Variants in CNTNAP2 observed in about 807,000 individuals in gnomAD.
CNTNAP2 encodes the protein contactin-associated protein-like 2.
In CNTNAP2, 98 loss-of-function variants were observed where a neutral mutation model predicts 155.2. The observed-to-expected ratio is 0.63, with a 90% confidence interval of 0.54 to 0.75. CNTNAP2 has a LOEUF of 0.75. CNTNAP2 is among the 30% of genes least tolerant of loss of function. CNTNAP2 has a pLI of 0.00. For synonymous variants in CNTNAP2, 651 were observed against 631.2 expected (o/e 1.03, Z -0.47); for missense variants, 1,727 against 1,688.1 (o/e 1.02, Z -0.40).
At chr7:147,943,408 G>T (rs965245489) in intron 14 of CNTNAP2, among the ~76,000 whole-genome samples, 2 of 151,954 alleles carry the variant, frequency 1.3e-5, no homozygotes, top group East Asian at 3.9e-4. Flanking sequence ...TGTATTATGT[G>T]GTGTTGTTTT....
At chr7:146,377,017 A>G (rs1795313260) in intron 1 of CNTNAP2, among the ~76,000 whole-genome samples, 1 of 152,168 alleles carries the variant, frequency 6.6e-6, no homozygotes. Flanking sequence ...ATGTGAGAAA[A>G]TAAATTTCCA....
At chr7:147,234,814 C>T (rs1803763951) in intron 8 of CNTNAP2, among the ~76,000 whole-genome samples, 4 of 152,132 alleles carry the variant, frequency 2.6e-5, no homozygotes, top group Admixed American at 6.5e-5. Context: ...GGGTTTCTCT[C>T]ATGGTTAGTT....
At chr7:147,070,160 T>A (rs952976552) in intron 4 of CNTNAP2, among the ~76,000 whole-genome samples, 1 of 152,238 alleles carries the variant, frequency 6.6e-6, no homozygotes. Flanking sequence ...CATATTGCAA[T>A]TTTATGTGCT....
intron 8 of CNTNAP2, among the ~76,000 whole-genome samples, chr7:147,208,813 AAT>A (rs777234160): frequency 9.9e-5 from 15 of 152,034 alleles, no homozygotes; most frequent in African/African-American, 3.6e-4. Flanking sequence ...TTTGAAAAAT[AAT>A]AGTCATATTC....
At chr7:147,513,021 AAG>A (rs1173609224) in intron 11 of CNTNAP2, among the ~76,000 whole-genome samples, 1 of 152,194 alleles carries the variant, frequency 6.6e-6, no homozygotes, top group Admixed American at 6.5e-5. Flanking sequence ...AATATAAAGA[AAG>A]AAAAAAACAT....
chr7:146,706,683 G>T (rs533363823), intron 1 of CNTNAP2, among the ~76,000 whole-genome samples: 1 of 151,980 alleles, frequency 6.6e-6, no homozygotes, highest in East Asian at 1.9e-4. Flanking sequence ...ACCAAATACC[G>T]CATGTTCTCA....
chr7:147,794,854 CT>C (rs529551967), intron 13 of CNTNAP2, among the ~76,000 whole-genome samples: 12 of 151,548 alleles, frequency 7.9e-5, no homozygotes, highest in African/African-American at 2.9e-4. Flanking sequence ...TCCTTTGCAT[CT>C]TGTTTAATTT....
At chr7:146,774,077 T>G (rs978193416) in intron 1 of CNTNAP2, among the ~76,000 whole-genome samples, 194 bp from the exon 2 acceptor site, 1 of 152,216 alleles carries the variant, frequency 6.6e-6, no homozygotes, top group Non-Finnish European at 1.5e-5. Flanking sequence ...CATTTGAATA[T>G]CAGGGTTATA....
chr7:146,641,055 G>A (rs573761948), intron 1 of CNTNAP2, among the ~76,000 whole-genome samples: 78 of 152,290 alleles, frequency 5.1e-4, no homozygotes, highest in Non-Finnish European at 7.9e-4. Context: ...GTCCAGGCAC[G>A]GTGGCTCGTG....
At chr7:147,476,914 C>T (rs1018374900) in intron 10 of CNTNAP2, among the ~76,000 whole-genome samples, 3 of 128,150 alleles carry the variant, frequency 2.3e-5, no homozygotes, top group South Asian at 2.5e-4. Flanking sequence ...GGTGACAGAG[C>T]GAGACTCTGT....
intron 1 of CNTNAP2, among the ~76,000 whole-genome samples, chr7:146,526,485 G>A (rs1054108897): frequency 3.9e-5 from 6 of 152,086 alleles, no homozygotes; most frequent in Admixed American, 1.3e-4. Context: ...GAGTGAGGAC[G>A]TGCCACACAC....
At chr7:148,258,501 A>T (rs1409986159) in intron 20 of CNTNAP2, among the ~76,000 whole-genome samples, 1 of 152,158 alleles carries the variant, frequency 6.6e-6, no homozygotes, top group African/African-American at 2.4e-5. Context: ...AAATGGCCCT[A>T]GGCTTGTGTA....
chr7:147,801,467 G>T (rs1163535584), intron 13 of CNTNAP2, among the ~76,000 whole-genome samples: 2 of 151,930 alleles, frequency 1.3e-5, no homozygotes, highest in African/African-American at 2.4e-5. Context: ...AGAGCACCCT[G>T]CGGCCTTCCG....
At chr7:146,204,253 T>G (rs892073458) in intron 1 of CNTNAP2, among the ~76,000 whole-genome samples, 1 of 152,164 alleles carries the variant, frequency 6.6e-6, no homozygotes, top group African/African-American at 2.4e-5. Flanking sequence ...ATCAGTCCAC[T>G]AATTAGTTAA....
At chr7:148,001,180 G>A (rs532303107) in intron 15 of CNTNAP2, among the ~76,000 whole-genome samples, 56 of 152,292 alleles carry the variant, frequency 3.7e-4, no homozygotes, top group African/African-American at 1.2e-3. Flanking sequence ...TTTGGGAATG[G>A]GGAATGATAT....
At chr7:146,661,284 G>GT (rs574266609) in intron 1 of CNTNAP2, among the ~76,000 whole-genome samples, 71 of 148,488 alleles carry the variant, frequency 4.8e-4, no homozygotes, top group East Asian at 2.0e-3. Context: ...GGGCTTTTAG[G>GT]TTTTTTTTTT....
intron 5 of CNTNAP2, among the ~76,000 whole-genome samples, chr7:147,111,283 A>G (rs1800874328): frequency 1.3e-5 from 2 of 152,092 alleles, no homozygotes; most frequent in South Asian, 4.1e-4. Context: ...TGTCAGATGG[A>G]TAGATTGCAA....
chr7:147,666,569 C>T (rs990054862), intron 13 of CNTNAP2, among the ~76,000 whole-genome samples: 2 of 152,178 alleles, frequency 1.3e-5, no homozygotes, highest in African/African-American at 4.8e-5. Flanking sequence ...ATTCCTTGTA[C>T]TTCTTTTTAG....
At chr7:147,177,204 T>A (rs1802366624) in intron 8 of CNTNAP2, among the ~76,000 whole-genome samples, 1 of 152,106 alleles carries the variant, frequency 6.6e-6, no homozygotes, top group East Asian at 1.9e-4. Flanking sequence ...ATAACTTTGA[T>A]ATGGTTTGGC....
Sources: gnomAD v4.1 joint callset for allele counts (sites outside exome capture counted in the v4.1 genomes callset) on GRCh38, gnomAD v4.1.1 for gene constraint, MANE v1.5 for transcripts, NCBI Gene and HGNC (gene_info 2026-07-23, HGNC 2026-07-21) for gene names.